Variants in LIFR observed in about 807,000 individuals in gnomAD.
LIFR encodes the protein LIF receptor subunit alpha, also known as leukemia inhibitory factor receptor.
A neutral mutation model predicts 122.2 loss-of-function variants in LIFR; 84 were observed. The observed-to-expected ratio is 0.69, with a 90% CI of 0.58 to 0.82. The LOEUF (loss-of-function observed/expected upper bound fraction) is 0.82. Among genes scored for constraint, LIFR ranks in the 40% least tolerant of loss-of-function variants. The pLI is 0.00. For missense variants in LIFR, 1,294 were observed against 1,311.6 expected (o/e 0.99, Z 0.21); for synonymous variants, 422 against 434.7 (o/e 0.97, Z 0.36).
intron 19 of LIFR, 145 bp from the exon 20 acceptor site, chr5:38,482,363 C>A: frequency 5.4e-6 from 4 of 745,236 alleles, no homozygotes; most frequent in Non-Finnish European, 8.2e-6. Context: ...AGCACAGCCA[C>A]TTTTTTCTTC....
intron 4 of LIFR, among the ~76,000 whole-genome samples, chr5:38,525,979 A>G (rs576372929): frequency 3.9e-5 from 6 of 152,320 alleles, no homozygotes; most frequent in Admixed American, 3.9e-4. Context: ...AATACAAGTA[A>G]TATCCAACAT....
At chr5:38,578,207 C>CTTTT (rs3079294) in intron 1 of LIFR, among the ~76,000 whole-genome samples, 2,899 of 123,410 alleles carry the variant, frequency 0.023, 108 homozygotes, top group Middle Eastern at 0.078. Context: ...TTTTCTTTTT[C>CTTTT]TTTTTTTTTT....
chr5:38,492,344 G>A (rs910511521), intron 14 of LIFR, among the ~76,000 whole-genome samples: 2 of 152,102 alleles, frequency 1.3e-5, no homozygotes, highest in African/African-American at 4.8e-5. Context: ...ACTTAAATGG[G>A]TAGATACTCC....
At chr5:38,498,565 G>A (rs957952775) in intron 12 of LIFR, among the ~76,000 whole-genome samples, 6 of 152,054 alleles carry the variant, frequency 3.9e-5, no homozygotes, top group Non-Finnish European at 7.4e-5. Flanking sequence ...ATTTCTACCC[G>A]AACACACTCT....
chr5:38,564,000 A>G (rs1370046903), intron 1 of LIFR, among the ~76,000 whole-genome samples: 1 of 152,190 alleles, frequency 6.6e-6, no homozygotes, highest in Admixed American at 6.5e-5. Flanking sequence ...GGCTCTTCTC[A>G]ACCCAAAGGA....
chr5:38,518,133 T>C (rs1413187291), intron 5 of LIFR, among the ~76,000 whole-genome samples: 1 of 151,592 alleles, frequency 6.6e-6, no homozygotes, highest in Non-Finnish European at 1.5e-5. Context: ...ATGAATAAAA[T>C]AAAATAAAAT....
At chr5:38,556,161 G>C (rs929724672) in intron 1 of LIFR, among the ~76,000 whole-genome samples, 173 bp downstream of exon 1, 1 of 152,100 alleles carries the variant, frequency 6.6e-6, no homozygotes, top group Non-Finnish European at 1.5e-5. Context: ...GGTGACCCAA[G>C]GGCGCGCGGA....
upstream of LIFR, among the ~76,000 whole-genome samples, chr5:38,598,226 T>C (rs1475127094): frequency 1.5e-5 from 1 of 65,500 alleles, no homozygotes. Context: ...TTTTTTTTTT[T>C]TTTTTTATTT....
chr5:38,477,998 G>A lies in LIFR; in HGVS notation c.*3597C>T, dbSNP rs1286359871. The A allele has an allele frequency of 9.5e-6, 2 of 210,200 alleles. No individual in the cohort carries two copies. The highest frequency in any genetic ancestry group is 9.7e-6 in the Non-Finnish European group (1 of 103,572). 13.0% of individuals were successfully genotyped at this position (210,200 alleles called of 1,614,324 possible). A position where few individuals can be genotyped will look rare whatever the true frequency, so the allele number is the denominator to read the frequency against. On this transcript the variant is annotated 3_prime_UTR_variant, in exon 20 of 20. Transcript: ENST00000453190. ...ATATACCTGAGCAATAGAAAACTTC[G>A]AGATAACATTTTAAAAATATTGACA...
chr5:38,607,550 C>T (rs1580258638), intron 1 of LIFR: 1 of 152,182 alleles, frequency 6.6e-6, no homozygotes, highest in South Asian at 2.1e-4. Flanking sequence ...CATTCACAAG[C>T]TTTCCTTTCT....
chr5:38,559,376 T>A (rs1748746515), upstream of LIFR, among the ~76,000 whole-genome samples: 1 of 152,226 alleles, frequency 6.6e-6, no homozygotes, highest in Admixed American at 6.5e-5. Context: ...CTGACTGCTG[T>A]CTGTGCTGTC....
chr5:38,546,548 G>A (rs960638391), intron 1 of LIFR, among the ~76,000 whole-genome samples: 1 of 152,214 alleles, frequency 6.6e-6, no homozygotes, highest in Non-Finnish European at 1.5e-5. Context: ...GGTAAGAGCA[G>A]TTACTCCTTC....
intron 12 of LIFR, 141 bp from the exon 13 acceptor site, chr5:38,496,736 T>G (rs1337188405): frequency 7.1e-6 from 5 of 701,920 alleles, no homozygotes; most frequent in Non-Finnish European, 1.3e-5. Context: ...ATTCCAGCAC[T>G]TAGGCCGAGG....
At chr5:38,583,835 G>T (rs1399012075) in intron 1 of LIFR, among the ~76,000 whole-genome samples, 1 of 152,086 alleles carries the variant, frequency 6.6e-6, no homozygotes, top group Non-Finnish European at 1.5e-5. Context: ...TCATGGGGTT[G>T]GTTTCCCCCA....
Position 38,477,708 on chromosome 5 carries a change from T to C in LIFR, c.*3887A>G, listed in dbSNP as rs978796656. The C allele has an allele frequency of 9.2e-6, 2 of 218,080 alleles. No homozygotes were observed. The highest frequency in any genetic ancestry group is 5.8e-5 in the Admixed American group (1 of 17,230). The allele number at this position is 218,080 out of a possible 1,614,324, so 13.5% of individuals were successfully genotyped here. On this transcript the variant is annotated 3_prime_UTR_variant, in exon 20 of 20. Transcript: ENST00000453190. ...TAGTCTCAGATCCACACAAGCTAGA[T>C]TTTGGTGTGTATCACCCTTCAGGAA...
At chr5:38,559,764 G>A (rs370404204), upstream of LIFR, among the ~76,000 whole-genome samples, 77 of 152,332 alleles carry the variant, frequency 5.1e-4, no homozygotes, top group South Asian at 0.015. Context: ...ATGTTGAGCT[G>A]TAAGTACTTG....
chr5:38,482,441 A>G, intron 19 of LIFR, 148 bp downstream of exon 19: 1 of 602,214 alleles, frequency 1.7e-6, no homozygotes, highest in Non-Finnish European at 2.8e-6. Context: ...TTTAAAATTA[A>G]TAATTTTAGA....
Position 38,482,595 on chromosome 5 carries a change from G to T in LIFR, c.2664C>A (p.Val888=). ...TAAGAAAATAAAAGATTACCTCACA[G>T]ACACTCTTTTGAAACTGTAATGCTT... ...NCKALQFQKS[V]CEGSSALKTL... The change falls in exon 19 of 20, where the codon GTC becomes GTA. Residue 888 remains valine (V), a synonymous_variant. Transcript: ENST00000453190. The T allele has an allele frequency of 6.8e-7, 1 of 1,461,794 alleles. No homozygotes were observed. The highest frequency in any genetic ancestry group is 1.9e-5 in the Admixed American group (1 of 51,500). 90.6% of individuals were successfully genotyped at this position (1,461,794 alleles called of 1,614,324 possible).
chr5:38,526,452 T>A (rs533641269), intron 4 of LIFR, among the ~76,000 whole-genome samples: 93 of 148,786 alleles, frequency 6.3e-4, no homozygotes, highest in African/African-American at 2.2e-3. Context: ...TATATATATA[T>A]ATATAAAATC....
Sources: allele counts gnomAD v4.1 joint callset (sites outside exome capture counted in the v4.1 genomes callset), GRCh38; gene constraint gnomAD v4.1.1; transcripts MANE v1.5; gene names NCBI Gene and HGNC (gene_info 2026-07-23, HGNC 2026-07-21).